The following PBX3 variants were observed in gnomAD, a reference collection of about 807,000 sequenced individuals.
PBX3 encodes pre-B-cell leukemia transcription factor 3.
PBX3 carries 14 observed loss-of-function variants against 48.5 expected under a neutral mutation model. The ratio of observed to expected loss-of-function variants is 0.29; its 90% CI spans 0.19 to 0.45. The LOEUF is 0.45. Among genes scored for constraint, PBX3 ranks in the 20% least tolerant of loss-of-function variants. PBX3 has a pLI of 1.00. For missense variants in PBX3, 386 were observed against 546.7 expected, an observed-to-expected ratio of 0.71 and a Z score of 2.93; for synonymous variants, 210 against 200.3, an observed-to-expected ratio of 1.05 and a Z score of -0.41.
intron 2 of PBX3, among the ~76,000 whole-genome samples, chr9:125,784,916 A>G (rs1346092882): frequency 6.6e-6 from 1 of 152,148 alleles, no homozygotes; most frequent in Non-Finnish European, 1.5e-5. Context: ...CCCTGAGCAT[A>G]CCCATGACTT....
chr9:125,962,031 C>A (rs1445429912), intron 6 of PBX3, 71 bp from the exon 7 acceptor site: 2 of 757,880 alleles, frequency 2.6e-6, no homozygotes, highest in Admixed American at 2.0e-5. Flanking sequence ...TCTCATCTCC[C>A]TGCCTCTAGG....
At position 125,928,389 on chromosome 9, in the gene PBX3, CAAAT is replaced by C. The variant is rs1367901457; in HGVS notation, c.517-1265_517-1262del. On this transcript the variant is annotated intron_variant, in intron 3 of 8. Transcript: ENST00000373489. ...GTGAGACTCTGAATATTAGGGGAAA[CAAAT>C]GTGTGTGTGTGTGTGTGTGTGTGTG... 5.7e-5 allele frequency among the ~76,000 whole-genome samples: 7 copies of C among 123,382 alleles called. No individual in the cohort carries two copies. The South Asian group carries it at 1.4e-3, about 24-fold the overall frequency. 80.9% of individuals were successfully genotyped at this position (123,382 alleles called of 152,430 possible).
chr9:125,935,769 T>A (rs1346180090), intron 5 of PBX3, among the ~76,000 whole-genome samples, 162 bp downstream of exon 5: 1 of 152,208 alleles, frequency 6.6e-6, no homozygotes, highest in Non-Finnish European at 1.5e-5. Context: ...ATTTTAAACC[T>A]TAGATAATTT....
At chr9:125,929,362 G>A (rs1347094023) in intron 3 of PBX3, among the ~76,000 whole-genome samples, 1 of 152,184 alleles carries the variant, frequency 6.6e-6, no homozygotes, top group African/African-American at 2.4e-5. Flanking sequence ...TTGTATATGG[G>A]AATTGATAGG....
intron 2 of PBX3, among the ~76,000 whole-genome samples, chr9:125,839,996 G>C (rs1839244616): frequency 6.6e-6 from 1 of 152,136 alleles, no homozygotes; most frequent in Admixed American, 6.5e-5. Flanking sequence ...TCTGGGCTTT[G>C]AGGAGCACTA....
chr9:125,786,879 C>T (rs1837471397), intron 2 of PBX3, among the ~76,000 whole-genome samples: 1 of 151,996 alleles, frequency 6.6e-6, no homozygotes, highest in Non-Finnish European at 1.5e-5. Flanking sequence ...TGCACACCAC[C>T]ACACCCAGCT....
At chr9:125,947,771 G>C (rs1842097020) in intron 5 of PBX3, among the ~76,000 whole-genome samples, 1 of 151,986 alleles carries the variant, frequency 6.6e-6, no homozygotes, top group African/African-American at 2.4e-5. Flanking sequence ...TGTTCTCTAA[G>C]AGACATATGT....
chr9:125,761,990 A>G (rs10760400), intron 2 of PBX3, among the ~76,000 whole-genome samples: 96,355 of 152,052 alleles, frequency 0.63, 30,992 homozygotes, highest in East Asian at 0.76. Flanking sequence ...TATTAAGGCA[A>G]AAATGTGAAC....
At chr9:125,962,985 A>T in intron 7 of PBX3, 27 bp from the exon 8 acceptor site, 1 of 1,318,448 alleles carries the variant, frequency 7.6e-7, no homozygotes, top group Non-Finnish European at 1.1e-6. Context: ...ATTTGGGATG[A>T]TGAATTTTGT....
intron 2 of PBX3, among the ~76,000 whole-genome samples, chr9:125,903,186 G>A (rs1205899523): frequency 1.3e-5 from 2 of 151,770 alleles, no homozygotes; most frequent in African/African-American, 4.8e-5. Flanking sequence ...TAGTCTTTGT[G>A]TAAGCAGGTG....
intron 2 of PBX3, among the ~76,000 whole-genome samples, chr9:125,909,540 A>G (rs1841155040): frequency 1.3e-5 from 2 of 152,148 alleles, no homozygotes; most frequent in Admixed American, 1.3e-4. Context: ...GTATTCTACT[A>G]TTTCTGGTAA....
chr9:125,926,861 T>C (rs559724891), intron 3 of PBX3, among the ~76,000 whole-genome samples: 1 of 152,234 alleles, frequency 6.6e-6, no homozygotes, highest in South Asian at 2.1e-4. Flanking sequence ...GATAATATAG[T>C]GGGGAAGATC....
chr9:125,782,881 A>C (rs1209155008), intron 2 of PBX3, among the ~76,000 whole-genome samples: 1 of 152,034 alleles, frequency 6.6e-6, no homozygotes, highest in Non-Finnish European at 1.5e-5. Context: ...ATGTTGTCCC[A>C]TTGCTTTTTC....
intron 2 of PBX3, among the ~76,000 whole-genome samples, chr9:125,780,956 C>T (rs1240315848): frequency 3.5e-4 from 39 of 112,794 alleles, no homozygotes; most frequent in African/African-American, 4.2e-4. Context: ...ACCTCCCAGA[C>T]GGGGTTGCGG....
At chr9:125,834,515 A>C (rs1839062500) in intron 2 of PBX3, among the ~76,000 whole-genome samples, 1 of 151,606 alleles carries the variant, frequency 6.6e-6, no homozygotes, top group Admixed American at 6.6e-5. Context: ...CTCCTGCCTC[A>C]GCCTCCCGAG....
chr9:125,839,788 G>C (rs1411220449), intron 2 of PBX3, among the ~76,000 whole-genome samples: 2 of 152,088 alleles, frequency 1.3e-5, no homozygotes, highest in Non-Finnish European at 2.9e-5. Context: ...GATACTGTTG[G>C]GATATGATTC....
At chr9:125,963,820 C>A (rs1418374883) in intron 8 of PBX3, among the ~76,000 whole-genome samples, 1 of 151,996 alleles carries the variant, frequency 6.6e-6, no homozygotes, top group East Asian at 1.9e-4. Flanking sequence ...CAAAATTCTT[C>A]CTTTTTAGGG....
At chr9:125,919,710 A>G (rs1052556477) in intron 3 of PBX3, among the ~76,000 whole-genome samples, 3 of 152,222 alleles carry the variant, frequency 2.0e-5, no homozygotes, top group Non-Finnish European at 2.9e-5. Context: ...GTGTTTCACA[A>G]TGAAGCTGTA....
At chr9:125,884,446 A>G (rs1300906057) in intron 2 of PBX3, among the ~76,000 whole-genome samples, 3 of 152,202 alleles carry the variant, frequency 2.0e-5, no homozygotes, top group African/African-American at 2.4e-5. Context: ...AACTTTTAGA[A>G]ACAATTCATC....
Sources: allele counts gnomAD v4.1 joint callset (sites outside exome capture counted in the v4.1 genomes callset), GRCh38; gene constraint gnomAD v4.1.1; transcripts MANE v1.5; gene names NCBI Gene and HGNC (gene_info 2026-07-23, HGNC 2026-07-21).